Variants in RGS6 observed in about 807,000 individuals in gnomAD.
RGS6 encodes regulator of G-protein signaling 6.
RGS6 carries 30 observed loss-of-function variants against 78.5 expected under a neutral mutation model. The ratio of observed to expected loss-of-function variants is 0.38; its 90% CI spans 0.29 to 0.52. The LOEUF is 0.52. Among genes scored for constraint, RGS6 ranks in the 20% least tolerant of loss-of-function variants. The pLI, the probability that RGS6 is intolerant of heterozygous loss-of-function variation, is 0.85. For synonymous variants in RGS6, 206 were observed against 206.0 expected (o/e 1.00, Z 0.00); for missense variants, 495 against 609.7 (o/e 0.81, Z 1.98).
chr14:71,982,884 C>G (rs1566957559), intron 2 of RGS6, among the ~76,000 whole-genome samples: 1 of 152,126 alleles, frequency 6.6e-6, no homozygotes, highest in Admixed American at 6.5e-5. Context: ...ATCTAGTTAG[C>G]CATTGTCAGA....
intron 2 of RGS6, among the ~76,000 whole-genome samples, chr14:72,350,734 G>T (rs1451766732): frequency 6.6e-6 from 1 of 152,112 alleles, no homozygotes; most frequent in Non-Finnish European, 1.5e-5. Context: ...CATTTGGGGG[G>T]TTATTTGCTG....
chr14:71,899,941 C>G, the RGS6 span, among the ~76,000 whole-genome samples: 1 of 152,208 alleles, frequency 6.6e-6, no homozygotes, highest in South Asian at 2.1e-4. Context: ...AGGATGCAGT[C>G]TCCTCTCTTA....
intron 17 of RGS6, among the ~76,000 whole-genome samples, chr14:72,549,187 C>T (rs1342455326): frequency 4.6e-5 from 7 of 152,098 alleles, no homozygotes; most frequent in African/African-American, 7.2e-5. Context: ...CAAGGGAAAC[C>T]GTCAGGAAGT....
rs945608258 is a variant in RGS6, at chr14:72,535,249, C to T, written c.1279-937C>T. 4.6e-5 allele frequency among the ~76,000 whole-genome samples: 7 copies of T among 152,154 alleles called. No individual in the cohort carries two copies. In the East Asian group the frequency reaches 7.7e-4, roughly 17 times the overall value. ...GCCCCTGGGAGCCGAGGAAAAGAGG[C>T]GGCACCTTGCTGCAGCACCTGCCCC... is the stretch of plus-strand genomic sequence containing the variant. On this transcript the variant is annotated intron_variant, in intron 15 of 17. Coordinates refer to ENST00000553525, the MANE Select transcript of RGS6 (RefSeq NM_001204424.2).
intron 2 of RGS6, among the ~76,000 whole-genome samples, chr14:72,280,458 G>A (rs976405894): frequency 3.3e-5 from 5 of 152,158 alleles, no homozygotes; most frequent in Admixed American, 6.5e-5. Flanking sequence ...GGCCAATCTG[G>A]TCTAGCCTCA....
intron 2 of RGS6, among the ~76,000 whole-genome samples, chr14:72,321,973 A>G (rs1396432879): frequency 6.6e-6 from 1 of 151,992 alleles, no homozygotes. Flanking sequence ...TCTAATCACT[A>G]TGAGTCAAAA....
At chr14:72,371,223 T>C (rs1192322623) in intron 3 of RGS6, among the ~76,000 whole-genome samples, 1 of 152,232 alleles carries the variant, frequency 6.6e-6, no homozygotes, top group Non-Finnish European at 1.5e-5. Flanking sequence ...TAAAATCCTG[T>C]CAACTTATAA....
intron 2 of RGS6, among the ~76,000 whole-genome samples, chr14:72,150,580 A>C (rs2153635032): frequency 6.6e-6 from 1 of 152,162 alleles, no homozygotes; most frequent in East Asian, 1.9e-4. Context: ...GGGAGACTTC[A>C]GGAAACTTAC....
At chr14:72,116,963 CAAAAAAAA>C (rs56397216) in intron 2 of RGS6, among the ~76,000 whole-genome samples, 34 of 78,332 alleles carry the variant, frequency 4.3e-4, no homozygotes, top group East Asian at 2.9e-3. Flanking sequence ...GACTCCATCT[CAAAAAAAA>C]AAAAAAAAAA....
At chr14:72,366,153 T>C (rs1377395700) in intron 3 of RGS6, among the ~76,000 whole-genome samples, 1 of 152,192 alleles carries the variant, frequency 6.6e-6, no homozygotes, top group African/African-American at 2.4e-5. Flanking sequence ...ACATCTTCTA[T>C]GATTTTGAGT....
chr14:72,537,523 G>A (rs1200285000), intron 16 of RGS6: 3 of 702,240 alleles, frequency 4.3e-6, no homozygotes, highest in East Asian at 2.7e-5. Flanking sequence ...CACAGGTGTG[G>A]CTACTGTGAT....
rs149632985 is a variant in RGS6 at position 71,996,789 on chromosome 14, G to C, written c.84+31914G>C. ...AAAGTGTGGGAGGTAGGGGAGGAAG[G>C]GGGTGGCGGGAGGAAGTAAAATGAT... On this transcript the variant is annotated intron_variant, in intron 2 of 17. Transcript: ENST00000553525. Among the ~76,000 whole-genome samples the C allele has an allele frequency of 3.3e-5, 5 of 152,176 alleles. No individual in the cohort carries two copies. The East Asian group carries it at 7.7e-4, about 24-fold the overall frequency.
At chr14:71,983,274 C>G (rs1292673404) in intron 2 of RGS6, among the ~76,000 whole-genome samples, 1 of 152,160 alleles carries the variant, frequency 6.6e-6, no homozygotes, top group East Asian at 1.9e-4. Flanking sequence ...AGGCAAATAC[C>G]TCTACGTATG....
In RGS6 at chr14:72,472,944, C is replaced by A; in HGVS notation, c.609C>A (p.His203Gln). Residue 203 changes from histidine (H) to glutamine (Q), a missense_variant, in exon 9 of 18, where the codon CAC (histidine) becomes CAA (glutamine). Coordinates refer to ENST00000553525, the MANE Select transcript of RGS6 (RefSeq NM_001204424.2). ...AAGAACGAGCCTTTTGGGATGTCCA[C>A]AGGCCTGTGGTGAGAAAGCGCTACT... Reference protein sequence around the residue: ...DSQERAFWDVHRPVPGCVNTT... With the variant: ...DSQERAFWDVQRPVPGCVNTT... The A allele has an allele frequency of 6.2e-7, 1 of 1,610,332 alleles. No homozygotes were observed. The highest frequency in any genetic ancestry group is 8.5e-7 in the Non-Finnish European group (1 of 1,178,310).
At chr14:72,034,470 T>C (rs8009830) in intron 2 of RGS6, among the ~76,000 whole-genome samples, 117,886 of 151,390 alleles carry the variant, frequency 0.78, 46,513 homozygotes, top group South Asian at 0.89. Context: ...GTATATCACA[T>C]TGATTGATTT....
intron 2 of RGS6, among the ~76,000 whole-genome samples, chr14:72,150,191 G>T (rs2096663341): frequency 6.6e-6 from 1 of 152,110 alleles, no homozygotes; most frequent in Admixed American, 6.5e-5. Flanking sequence ...AATTGAGAAG[G>T]CACAGAGACA....
intron 17 of RGS6, among the ~76,000 whole-genome samples, chr14:72,547,554 C>T (rs2097426825): frequency 6.6e-6 from 1 of 152,166 alleles, no homozygotes. Context: ...AAGATGTTGC[C>T]CTCCTGCAGT....
chr14:71,981,932 A>G (rs2094479964), intron 2 of RGS6, among the ~76,000 whole-genome samples: 1 of 151,168 alleles, frequency 6.6e-6, no homozygotes, highest in South Asian at 2.1e-4. Flanking sequence ...GCTAGCCATC[A>G]GCGAGACTCC....
the RGS6 span, among the ~76,000 whole-genome samples, chr14:71,918,921 T>C: frequency 6.6e-6 from 1 of 152,140 alleles, no homozygotes; most frequent in Non-Finnish European, 1.5e-5. Flanking sequence ...TGAGTTACAA[T>C]GATAAAGTTC....
Sources: gnomAD v4.1 joint callset for allele counts (sites outside exome capture counted in the v4.1 genomes callset) on GRCh38, gnomAD v4.1.1 for gene constraint, MANE v1.5 for transcripts, NCBI Gene and HGNC (gene_info 2026-07-23, HGNC 2026-07-21) for gene names.